NDUFAF2: variants seen among roughly 807,000 people sequenced by gnomAD.
NDUFAF2 encodes NADH dehydrogenase [ubiquinone] 1 alpha subcomplex assembly factor 2.
Under a neutral mutation model 22.8 loss-of-function variants are expected in NDUFAF2, and 13 were observed. The observed-to-expected ratio is 0.57, with a 90% CI of 0.37 to 0.91. The LOEUF (loss-of-function observed/expected upper bound fraction) is 0.91. NDUFAF2 is among the 40% of genes least tolerant of loss of function. The pLI is 0.01. For synonymous variants in NDUFAF2, 53 were observed against 64.2 expected (o/e 0.83, Z 0.84); for missense variants, 162 against 195.2 (o/e 0.83, Z 1.01).
intron 3 of NDUFAF2, among the ~76,000 whole-genome samples, chr5:61,118,098 G>C (rs574818884): frequency 6.6e-6 from 1 of 152,268 alleles, no homozygotes; most frequent in South Asian, 2.1e-4. Context: ...TTTCTGGTCT[G>C]CCAGTTCTCC....
chr5:61,048,810 G>A (rs1314731477), intron 1 of NDUFAF2, among the ~76,000 whole-genome samples: 1 of 152,074 alleles, frequency 6.6e-6, no homozygotes, highest in Non-Finnish European at 1.5e-5. Flanking sequence ...GTCAGGCAGT[G>A]GAAAATATCA....
At chr5:61,038,493 A>AC (rs1284162782) in intron 1 of NDUFAF2, among the ~76,000 whole-genome samples, 1 of 151,570 alleles carries the variant, frequency 6.6e-6, no homozygotes, top group Admixed American at 6.6e-5. Flanking sequence ...TATTAACCCC[A>AC]CCCCCCAGAA....
intron 3 of NDUFAF2, among the ~76,000 whole-genome samples, chr5:61,145,413 T>G (rs930836309): frequency 1.3e-5 from 2 of 152,206 alleles, no homozygotes; most frequent in African/African-American, 4.8e-5. Context: ...TAATTTATAT[T>G]AAATTTTGAC....
At position 61,073,122 on chromosome 5, in the gene NDUFAF2, T is replaced by C. The variant is rs369353759; in HGVS notation, c.128-3T>C. On this transcript the variant is annotated splice_region_variant and splice_polypyrimidine_tract_variant and intron_variant, in intron 1 of 3. Transcript: ENST00000296597. ...AAATGTATTAATGACTTTTGTCTTA[T>C]AGGACAAACTATTCGAGAGAAAAGA... The C allele has an allele frequency of 1.3e-5, 21 of 1,596,052 alleles. No individual in the cohort carries two copies. The highest frequency in any genetic ancestry group is 1.6e-5 in the Non-Finnish European group (19 of 1,164,414).
At chr5:60,985,292 T>A (rs976871424) in intron 1 of NDUFAF2, among the ~76,000 whole-genome samples, 1 of 152,114 alleles carries the variant, frequency 6.6e-6, no homozygotes, top group East Asian at 1.9e-4. Context: ...TGTTTTCTTC[T>A]TTGTTAGTCT....
chr5:61,102,423 G>A lies in NDUFAF2; in HGVS notation c.258+3391G>A, dbSNP rs547553894. 3.2e-4 allele frequency among the ~76,000 whole-genome samples: 49 copies of A among 152,082 alleles called. 1 individual carries two copies. In the South Asian group the frequency reaches 0.01, roughly 32 times the overall value. On this transcript the variant is annotated intron_variant, in intron 3 of 3. Coordinates refer to ENST00000296597, the MANE Select transcript of NDUFAF2 (RefSeq NM_174889.5). ...CAATGACATCAAAACAACACAATTAGGAATGGAAAGTCTTTTTAGCAAATG... is the reference window on the plus strand; with the variant it reads ...CAATGACATCAAAACAACACAATTAAGAATGGAAAGTCTTTTTAGCAAATG...
chr5:61,051,921 C>G (rs903078860), intron 1 of NDUFAF2, among the ~76,000 whole-genome samples: 4 of 152,064 alleles, frequency 2.6e-5, no homozygotes, highest in African/African-American at 9.7e-5. Context: ...GCAACCAACT[C>G]AAAAAGGAGA....
In NDUFAF2 at chr5:61,025,901, TATA is replaced by T. The variant is rs200580864; in HGVS notation, c.128-47217_128-47215del. On this transcript the variant is annotated intron_variant, in intron 1 of 3. Transcript: ENST00000296597. ...AATGGTTTTTATATGCTCATTTTCTTATAATAATATAGAAAATTTAATTGTTCA... is the reference window on the plus strand; with the variant it reads ...AATGGTTTTTATATGCTCATTTTCTTATAATATAGAAAATTTAATTGTTCA... Among the ~76,000 whole-genome samples, 343 of 152,180 alleles carry T rather than the reference TATA, an allele frequency of 2.3e-3. 1 individual carries two copies. Among genetic ancestry groups the T allele is most frequent in the African/African-American group, 7.9e-3 (327 of 41,562 alleles).
chr5:61,122,529 T>C (rs1579841961), intron 3 of NDUFAF2, among the ~76,000 whole-genome samples: 1 of 152,334 alleles, frequency 6.6e-6, no homozygotes, highest in African/African-American at 2.4e-5. Flanking sequence ...GATTAATTTG[T>C]GTTTATGAAT....
chr5:60,992,033 T>C (rs1751165379), intron 1 of NDUFAF2, among the ~76,000 whole-genome samples: 1 of 152,210 alleles, frequency 6.6e-6, no homozygotes, highest in African/African-American at 2.4e-5. Context: ...GATTTAGATT[T>C]CTTTAATGAT....
At chr5:61,062,415 T>C (rs1427164983) in intron 1 of NDUFAF2, among the ~76,000 whole-genome samples, 1 of 151,896 alleles carries the variant, frequency 6.6e-6, no homozygotes, top group Non-Finnish European at 1.5e-5. Flanking sequence ...TCAATGAAAT[T>C]AAAGATACAA....
intron 3 of NDUFAF2, among the ~76,000 whole-genome samples, chr5:61,127,154 G>T (rs543791059): frequency 3.3e-5 from 5 of 151,890 alleles, no homozygotes; most frequent in East Asian, 3.9e-4. Context: ...ATAGCTTACC[G>T]ACCAAAAACA....
chr5:61,072,688 C>T (rs1466826182), intron 1 of NDUFAF2, among the ~76,000 whole-genome samples: 1 of 152,036 alleles, frequency 6.6e-6, no homozygotes, highest in Non-Finnish European at 1.5e-5. Flanking sequence ...CCTCTGCCTC[C>T]CGGGCTCAAG....
At chr5:61,094,377 A>T (rs571340648) in intron 2 of NDUFAF2, among the ~76,000 whole-genome samples, 1 of 152,210 alleles carries the variant, frequency 6.6e-6, no homozygotes, top group Non-Finnish European at 1.5e-5. Context: ...TTTGTCCGTC[A>T]GCCTCTGCAA....
chr5:61,104,267 T>C (rs1387109438), intron 3 of NDUFAF2, among the ~76,000 whole-genome samples: 1 of 152,116 alleles, frequency 6.6e-6, no homozygotes, highest in Non-Finnish European at 1.5e-5. Context: ...AGAAGCCACT[T>C]ATAGCAAATA....
chr5:60,974,653 T>C (rs1369791287), intron 1 of NDUFAF2, among the ~76,000 whole-genome samples: 1 of 151,974 alleles, frequency 6.6e-6, no homozygotes. Context: ...CCCTCTGCCC[T>C]GATGGTAATT....
intron 1 of NDUFAF2, among the ~76,000 whole-genome samples, chr5:61,027,732 A>G (rs1751670265): frequency 6.6e-6 from 1 of 151,912 alleles, no homozygotes; most frequent in Admixed American, 6.6e-5. Flanking sequence ...TATTAGCTTA[A>G]CTATTTAATT....
intron 3 of NDUFAF2, among the ~76,000 whole-genome samples, chr5:61,119,504 GT>G (rs1352912541): frequency 6.6e-6 from 1 of 152,122 alleles, no homozygotes; most frequent in Non-Finnish European, 1.5e-5. Flanking sequence ...ACAGAAGCAT[GT>G]TTTCAACAAT....
chr5:61,116,630 A>G (rs1404150673), intron 3 of NDUFAF2: 2 of 152,222 alleles, frequency 1.3e-5, no homozygotes, highest in African/African-American at 2.4e-5. Flanking sequence ...CTAGAATTCT[A>G]TACCTAGTTT....
Sources: allele counts gnomAD v4.1 joint callset (sites outside exome capture counted in the v4.1 genomes callset), GRCh38; gene constraint gnomAD v4.1.1; transcripts MANE v1.5; gene names NCBI Gene and HGNC (gene_info 2026-07-23, HGNC 2026-07-21).